Variants in TSPAN15 observed in about 807,000 individuals in gnomAD.
TSPAN15 encodes tetraspanin-15.
Under a neutral mutation model 34.5 loss-of-function variants are expected in TSPAN15, and 20 were observed. That is an observed-to-expected ratio of 0.58 (90% CI 0.41 to 0.84). The LOEUF (loss-of-function observed/expected upper bound fraction) is 0.84, where lower values mean the gene tolerates loss of function less well. TSPAN15 is among the 40% of genes least tolerant of loss of function. The pLI is 0.00. For missense variants in TSPAN15, 313 were observed against 386.1 expected (o/e 0.81, Z 1.59); for synonymous variants, 155 against 153.9 (o/e 1.01, Z -0.05).
At chr10:69,549,454 A>G in the TSPAN15 span, among the ~76,000 whole-genome samples, 1 of 152,206 alleles carries the variant, frequency 6.6e-6, no homozygotes, top group African/African-American at 2.4e-5. Flanking sequence ...TCTTACCACC[A>G]TCTGAGACAT....
the TSPAN15 span, among the ~76,000 whole-genome samples, chr10:69,539,451 GAA>G: frequency 5.4e-3 from 148 of 27,158 alleles, 10 homozygotes; most frequent in South Asian, 0.015. Context: ...GGAAGAAGAA[GAA>G]GAAGAAGAAG....
the TSPAN15 span, among the ~76,000 whole-genome samples, chr10:69,519,089 A>G: frequency 6.6e-6 from 1 of 152,262 alleles, no homozygotes; most frequent in African/African-American, 2.4e-5. Context: ...TCCATGCTCA[A>G]GAACACAATG....
At chr10:69,539,213 C>T in the TSPAN15 span, among the ~76,000 whole-genome samples, 1 of 151,568 alleles carries the variant, frequency 6.6e-6, no homozygotes, top group African/African-American at 2.4e-5. Context: ...GACACAAAGG[C>T]ATAAGAATGA....
At chr10:69,483,972 C>A in intron 2 of TSPAN15, 96 bp downstream of exon 2, 1 of 1,310,128 alleles carries the variant, frequency 7.6e-7, no homozygotes, top group Non-Finnish European at 1.0e-6. Context: ...TTTGTCCCTG[C>A]CTCAAACCAC....
chr10:69,529,212 G>A, the TSPAN15 span, among the ~76,000 whole-genome samples: 2 of 147,664 alleles, frequency 1.4e-5, no homozygotes, highest in African/African-American at 4.9e-5. Context: ...GCTACAGTTT[G>A]GGTGGCTGCA....
At chr10:69,548,540 C>T in the TSPAN15 span, among the ~76,000 whole-genome samples, 1 of 152,202 alleles carries the variant, frequency 6.6e-6, no homozygotes, top group South Asian at 2.1e-4. Flanking sequence ...CCTGTGATCA[C>T]CTGGCTTTCT....
At chr10:69,512,415 C>A (rs1255933309), downstream of TSPAN15, among the ~76,000 whole-genome samples, 4 of 152,146 alleles carry the variant, frequency 2.6e-5, no homozygotes, top group African/African-American at 4.8e-5. Flanking sequence ...ATACCATATT[C>A]TTGAAATATA....
intron 5 of TSPAN15, among the ~76,000 whole-genome samples, chr10:69,498,993 A>G: frequency 6.6e-6 from 1 of 152,184 alleles, no homozygotes; most frequent in Admixed American, 6.5e-5. Context: ...GATCATCAGC[A>G]GCAGAGTGCT....
the TSPAN15 span, among the ~76,000 whole-genome samples, chr10:69,538,947 A>G: frequency 6.6e-6 from 1 of 151,104 alleles, no homozygotes; most frequent in African/African-American, 2.4e-5. Context: ...AGGACATGAA[A>G]GAAGGGACAG....
the TSPAN15 span, chr10:69,523,406 A>G: frequency 1.7e-6 from 1 of 579,232 alleles, no homozygotes; most frequent in South Asian, 1.6e-5. Flanking sequence ...TGGTAGTAAA[A>G]GCTGGTGAAG....
chr10:69,484,930 T>C (rs1841818871), intron 2 of TSPAN15, among the ~76,000 whole-genome samples: 1 of 152,122 alleles, frequency 6.6e-6, no homozygotes. Flanking sequence ...TCACTCTTCC[T>C]GCCCTCCGGC....
chr10:69,494,237 T>C (rs1842029971), intron 3 of TSPAN15, among the ~76,000 whole-genome samples: 2 of 152,050 alleles, frequency 1.3e-5, no homozygotes, highest in South Asian at 4.2e-4. Flanking sequence ...TGAACAAGAG[T>C]TGGGGCCTCG....
intron 5 of TSPAN15, among the ~76,000 whole-genome samples, chr10:69,500,072 A>G (rs899765350): frequency 2.0e-5 from 3 of 152,156 alleles, no homozygotes; most frequent in Admixed American, 6.5e-5. Flanking sequence ...TGTGAGGGAC[A>G]TGCTAGATGC....
intron 6 of TSPAN15, among the ~76,000 whole-genome samples, chr10:69,505,566 GCT>G (rs1842307452): frequency 6.7e-6 from 1 of 148,498 alleles, no homozygotes; most frequent in African/African-American, 2.5e-5. Flanking sequence ...ATGCAGAAAT[GCT>G]TTTTTTTTTT....
chr10:69,507,540 A>G lies in TSPAN15; in HGVS notation c.*562A>G. 1.5e-6 allele frequency: 2 copies of G among 1,303,156 alleles called. No individual in the cohort carries two copies. Among genetic ancestry groups the G allele is most frequent in the Non-Finnish European group, 2.0e-6 (2 of 988,854 alleles). 80.7% of individuals were successfully genotyped at this position (1,303,156 alleles called of 1,614,324 possible). A position where few individuals can be genotyped will look rare whatever the true frequency, so the allele number is the denominator to read the frequency against. On this transcript the variant is annotated 3_prime_UTR_variant, in exon 8 of 8. Transcript: ENST00000373290. Reference sequence around the variant, plus strand: ...TTTTTACGTGATTTTTGTAACATTCATTTTTTTGTACAGATAACAGGAGTT... The same window carrying G: ...TTTTTACGTGATTTTTGTAACATTCGTTTTTTTGTACAGATAACAGGAGTT...
At chr10:69,479,673 TA>T (rs1406626409) in intron 1 of TSPAN15, among the ~76,000 whole-genome samples, 8 of 152,252 alleles carry the variant, frequency 5.3e-5, no homozygotes, top group Non-Finnish European at 1.0e-4. Context: ...CATTGACAGA[TA>T]ATTTTATCCT....
chr10:69,529,113 G>T, the TSPAN15 span, among the ~76,000 whole-genome samples: 17 of 148,380 alleles, frequency 1.1e-4, 4 homozygotes, highest in Admixed American at 1.2e-3. Context: ...GCAGGGAGAA[G>T]CCAGGCAGTG....
chr10:69,533,727 A>G, the TSPAN15 span, among the ~76,000 whole-genome samples: 1 of 152,236 alleles, frequency 6.6e-6, no homozygotes, highest in African/African-American at 2.4e-5. Context: ...GGGAACCCCA[A>G]TTTATAGTCA....
intron 1 of TSPAN15, 142 bp downstream of exon 1, chr10:69,451,832 T>C: frequency 1.7e-6 from 1 of 579,060 alleles, no homozygotes; most frequent in Non-Finnish European, 2.6e-6. Flanking sequence ...TCTTTCTACC[T>C]CACATTCGGG....
Sources: gnomAD v4.1 joint callset for allele counts (sites outside exome capture counted in the v4.1 genomes callset) on GRCh38, gnomAD v4.1.1 for gene constraint, MANE v1.5 for transcripts, NCBI Gene and HGNC (gene_info 2026-07-23, HGNC 2026-07-21) for gene names.